The following C19orf38 variants were observed in gnomAD, a reference collection of about 807,000 sequenced individuals.
C19orf38 encodes chromosome 19 open reading frame 38, also known as protein HIDE1.
Under a neutral mutation model 26.6 loss-of-function variants are expected in C19orf38, and 14 were observed. The ratio of observed to expected loss-of-function variants is 0.53; its 90% confidence interval spans 0.35 to 0.82. The LOEUF (loss-of-function observed/expected upper bound fraction) is 0.82, where lower values mean the gene tolerates loss of function less well. Ranked by LOEUF, C19orf38 falls within the 40% of genes least tolerant of loss-of-function variation. C19orf38 has a pLI of 0.01. For synonymous variants in C19orf38, 132 were observed against 128.5 expected, an observed-to-expected ratio of 1.03 and a Z score of -0.18; for missense variants, 261 against 299.5, an observed-to-expected ratio of 0.87 and a Z score of 0.95.
intron 5 of C19orf38, among the ~76,000 whole-genome samples, chr19:10,860,534 CAAAAAAAAAAAAA>C (rs900601654): frequency 9.2e-5 from 2 of 21,836 alleles, no homozygotes; most frequent in East Asian, 1.6e-3. Flanking sequence ...GACTCCATCT[CAAAAAAAAAAAAA>C]AAAAAAAAAA....
At chr19:10,859,453 G>A (rs2073674935) in intron 4 of C19orf38, among the ~76,000 whole-genome samples, 1 of 143,884 alleles carries the variant, frequency 7.0e-6, no homozygotes, top group South Asian at 2.2e-4. Flanking sequence ...CGCAATCTCG[G>A]CTCACTGCAA....
upstream of C19orf38, among the ~76,000 whole-genome samples, chr19:10,843,549 C>A (rs942788145): frequency 5.3e-5 from 8 of 152,214 alleles, no homozygotes; most frequent in Non-Finnish European, 7.3e-5. Flanking sequence ...GAGCCATTTT[C>A]ATTCATCCTA....
intron 1 of C19orf38, among the ~76,000 whole-genome samples, chr19:10,838,428 A>G (rs533476353): frequency 6.6e-6 from 1 of 152,240 alleles, no homozygotes; most frequent in South Asian, 2.1e-4. Flanking sequence ...AATAAAAATA[A>G]CCATTTTAAA....
intron 6 of C19orf38, among the ~76,000 whole-genome samples, chr19:10,866,979 A>C (rs1342965364): frequency 6.6e-6 from 1 of 151,638 alleles, no homozygotes; most frequent in Admixed American, 6.6e-5. Context: ...TAGTAGAGAC[A>C]AGGTTTCACC....
At position 10,850,555 on chromosome 19, in the gene C19orf38, G is replaced by A. The variant is rs542056242; in HGVS notation, c.328G>A (p.Val110Ile). 50 of 1,551,494 alleles carry A rather than the reference G, an allele frequency of 3.2e-5. No individual in the cohort carries two copies. In the East Asian group the frequency reaches 9.5e-4, roughly 30 times the overall value. ...GTCAGACCTCAGCGAGCCCGTGAAC[G>A]TCTCCTTCCCAGGTAAGGCCCTTCT... is the stretch of plus-strand genomic sequence containing the variant. ...QLSDLSEPVNVSFPVPTWILV... is the reference protein window; with the variant it reads ...QLSDLSEPVNISFPVPTWILV... The change falls in exon 2 of 7, where the codon GTC becomes ATC. Residue 110 changes from valine (V) to isoleucine (I), a missense_variant. Transcript: ENST00000397820.
At chr19:10,844,224 G>T (rs186900314), upstream of C19orf38, among the ~76,000 whole-genome samples, 136 of 150,920 alleles carry the variant, frequency 9.0e-4, 1 homozygote, top group East Asian at 0.025. Flanking sequence ...GACCAACATG[G>T]TGAAACCCTG....
upstream of C19orf38, among the ~76,000 whole-genome samples, chr19:10,844,993 C>CAAAAAAAAAAAAAAAAAAAAAAA (rs57500129): frequency 1.0e-5 from 1 of 95,806 alleles, no homozygotes. Flanking sequence ...CCTTTCTCTA[C>CAAAAAAAAAAAAAAAAAAAAAAA]AAAAAAAAAA....
At chr19:10,844,895 C>A (rs755200488), upstream of C19orf38, among the ~76,000 whole-genome samples, 2 of 148,960 alleles carry the variant, frequency 1.3e-5, no homozygotes, top group Non-Finnish European at 3.0e-5. Context: ...TGGTGGCTTA[C>A]GCCTGTAATC....
intron 2 of C19orf38, among the ~76,000 whole-genome samples, chr19:10,855,594 T>G (rs1264832294): frequency 6.6e-6 from 1 of 152,198 alleles, no homozygotes; most frequent in Non-Finnish European, 1.5e-5. Flanking sequence ...AGTGGCGCCA[T>G]CTCAGCTCAC....
intron 1 of C19orf38, among the ~76,000 whole-genome samples, chr19:10,849,834 T>TG (rs1221204332): frequency 6.6e-6 from 1 of 151,658 alleles, no homozygotes; most frequent in African/African-American, 2.4e-5. Context: ...GAGGCCGAGG[T>TG]GGGGGGAGTC....
intron 1 of C19orf38, among the ~76,000 whole-genome samples, chr19:10,840,040 T>C (rs1450155797): frequency 6.6e-6 from 1 of 152,192 alleles, no homozygotes; most frequent in Non-Finnish European, 1.5e-5. Flanking sequence ...TCTTTAGCCA[T>C]TCATTATTGA....
At chr19:10,840,452 C>T (rs1025269496) in intron 1 of C19orf38, among the ~76,000 whole-genome samples, 2 of 152,226 alleles carry the variant, frequency 1.3e-5, no homozygotes, top group African/African-American at 2.4e-5. Flanking sequence ...GGATTACAGG[C>T]ACATGCCAAC....
intron 2 of C19orf38, among the ~76,000 whole-genome samples, chr19:10,853,441 C>T (rs1483347419): frequency 1.3e-5 from 2 of 151,808 alleles, no homozygotes; most frequent in Non-Finnish European, 2.9e-5. Context: ...CGTGCACCAC[C>T]ATGCCCAGCT....
upstream of C19orf38, among the ~76,000 whole-genome samples, chr19:10,847,778 C>G (rs923227104): frequency 8.5e-5 from 13 of 152,196 alleles, no homozygotes; most frequent in Admixed American, 2.0e-4. Flanking sequence ...CATGTCCTCC[C>G]ACTCCTGCCC....
chr19:10,863,321 G>T, intron 6 of C19orf38, 114 bp downstream of exon 6: 2 of 1,239,436 alleles, frequency 1.6e-6, no homozygotes, highest in Admixed American at 2.1e-5. Flanking sequence ...TAAGCTGCGG[G>T]GGGGCTAGGA....
At chr19:10,842,323 C>T (rs1185071550) in intron 1 of C19orf38, 10 of 670,782 alleles carry the variant, frequency 1.5e-5, no homozygotes, top group East Asian at 2.8e-5. Flanking sequence ...TGCAGTGGCG[C>T]GACCTTGGCT....
At chr19:10,855,002 T>C (rs1162590560) in intron 2 of C19orf38, among the ~76,000 whole-genome samples, 1 of 151,612 alleles carries the variant, frequency 6.6e-6, no homozygotes, top group African/African-American at 2.4e-5. Context: ...GGAGGCAAGA[T>C]TGTGCCCTGA....
intron 1 of C19orf38, chr19:10,841,751 T>C (rs2073479543): frequency 8.3e-6 from 6 of 722,150 alleles, no homozygotes; most frequent in Non-Finnish European, 9.5e-6. Context: ...GTTGGGAGGA[T>C]CTCTTGAGCC....
chr19:10,840,785 G>C (rs927107799), intron 1 of C19orf38, among the ~76,000 whole-genome samples: 1 of 152,206 alleles, frequency 6.6e-6, no homozygotes, highest in African/African-American at 2.4e-5. Flanking sequence ...CCAAAGTTCT[G>C]GGATTACAGG....
Sources: gnomAD v4.1 joint callset for allele counts (sites outside exome capture counted in the v4.1 genomes callset) on GRCh38, gnomAD v4.1.1 for gene constraint, MANE v1.5 for transcripts, NCBI Gene and HGNC (gene_info 2026-07-23, HGNC 2026-07-21) for gene names.